CNTNAP2: variants seen among roughly 807,000 people sequenced by gnomAD.
CNTNAP2 encodes the protein contactin associated protein 2.
Under a neutral mutation model 155.2 loss-of-function variants are expected in CNTNAP2, and 98 were observed. The observed-to-expected ratio is 0.63, with a 90% CI of 0.54 to 0.75. The LOEUF (loss-of-function observed/expected upper bound fraction) is 0.75. Ranked by LOEUF, CNTNAP2 falls within the 30% of genes least tolerant of loss-of-function variation. The probability of loss-of-function intolerance (pLI) is 0.00; values close to 1 mark genes in which losing one functional copy is unlikely to be tolerated. For missense variants in CNTNAP2, 1,727 were observed against 1,688.1 expected (o/e 1.02, Z -0.40); for synonymous variants, 651 against 631.2 (o/e 1.03, Z -0.47).
At chr7:148,075,940 G>T (rs1585112705) in intron 15 of CNTNAP2, among the ~76,000 whole-genome samples, 1 of 152,172 alleles carries the variant, frequency 6.6e-6, no homozygotes, top group South Asian at 2.1e-4. Flanking sequence ...AAAGTAGCCT[G>T]TATGTCTCTG....
intron 3 of CNTNAP2, among the ~76,000 whole-genome samples, chr7:146,951,476 G>T (rs539746252): frequency 6.6e-6 from 1 of 152,098 alleles, no homozygotes; most frequent in East Asian, 1.9e-4. Context: ...TTTGTATAAG[G>T]TGTGAGGAAG....
intron 3 of CNTNAP2, among the ~76,000 whole-genome samples, chr7:146,885,058 C>T (rs948045953): frequency 4.6e-5 from 7 of 151,988 alleles, no homozygotes; most frequent in African/African-American, 1.7e-4. Flanking sequence ...CTAAAAATTT[C>T]ATGGAAAAAT....
chr7:148,157,571 C>CAAA (rs60716582), intron 17 of CNTNAP2, among the ~76,000 whole-genome samples: 7 of 111,202 alleles, frequency 6.3e-5, no homozygotes, highest in East Asian at 5.7e-4. Context: ...GCAGAAGCAG[C>CAAA]AAAAAAAAAA....
intron 1 of CNTNAP2, among the ~76,000 whole-genome samples, chr7:146,164,016 T>C (rs1459888044): frequency 6.6e-6 from 1 of 152,168 alleles, no homozygotes; most frequent in Non-Finnish European, 1.5e-5. Context: ...ACAGTTCTGT[T>C]GATATTATAT....
At chr7:148,375,247 T>G (rs1486506451) in intron 21 of CNTNAP2, among the ~76,000 whole-genome samples, 1 of 80,882 alleles carries the variant, frequency 1.2e-5, no homozygotes, top group East Asian at 3.5e-4. Flanking sequence ...TATGTTATAC[T>G]ATATATAAAA....
intron 1 of CNTNAP2, among the ~76,000 whole-genome samples, chr7:146,227,789 T>C (rs1799320909): frequency 6.6e-6 from 1 of 152,122 alleles, no homozygotes; most frequent in South Asian, 2.1e-4. Flanking sequence ...CAGCTGCATG[T>C]TATGCATGGC....
chr7:147,099,037 G>A (rs1024810918), intron 4 of CNTNAP2, among the ~76,000 whole-genome samples: 3 of 152,142 alleles, frequency 2.0e-5, no homozygotes, highest in Non-Finnish European at 2.9e-5. Context: ...AGGAGGTAGA[G>A]GGGATGAGGG....
At chr7:146,335,542 TTCTG>T (rs1420754900) in intron 1 of CNTNAP2, among the ~76,000 whole-genome samples, 1 of 152,190 alleles carries the variant, frequency 6.6e-6, no homozygotes, top group Non-Finnish European at 1.5e-5. Flanking sequence ...TGGACTGTTG[TTCTG>T]TCTGAGAGCT....
At chr7:148,107,581 C>T (rs970154850) in intron 15 of CNTNAP2, among the ~76,000 whole-genome samples, 3 of 152,150 alleles carry the variant, frequency 2.0e-5, no homozygotes, top group African/African-American at 7.2e-5. Flanking sequence ...CAAAGCTCCT[C>T]TTACCTAACC....
At chr7:146,529,695 G>T (rs913576869) in intron 1 of CNTNAP2, among the ~76,000 whole-genome samples, 1 of 151,976 alleles carries the variant, frequency 6.6e-6, no homozygotes, top group Non-Finnish European at 1.5e-5. Flanking sequence ...GGCCGGGTGC[G>T]GTGGCTCATG....
At chr7:147,271,489 C>T (rs993879437) in intron 8 of CNTNAP2, among the ~76,000 whole-genome samples, 30 of 152,152 alleles carry the variant, frequency 2.0e-4, no homozygotes, top group Non-Finnish European at 4.3e-4. Flanking sequence ...CTAATGCATG[C>T]TCTGTGTATT....
At chr7:147,704,733 T>C (rs1796285170) in intron 13 of CNTNAP2, among the ~76,000 whole-genome samples, 1 of 151,624 alleles carries the variant, frequency 6.6e-6, no homozygotes, top group South Asian at 2.1e-4. Context: ...TTGGGAGACT[T>C]TTTTTACTGA....
At chr7:146,401,218 C>A (rs1020527827) in intron 1 of CNTNAP2, among the ~76,000 whole-genome samples, 1 of 152,144 alleles carries the variant, frequency 6.6e-6, no homozygotes, top group Non-Finnish European at 1.5e-5. Flanking sequence ...AGCTAGAAAT[C>A]ACTTTGTAGA....
intron 3 of CNTNAP2, among the ~76,000 whole-genome samples, chr7:146,845,493 T>A (rs2727624): frequency 0.96 from 146,405 of 152,324 alleles, 70,378 homozygotes; most frequent in East Asian, 1. Flanking sequence ...TTCAAGCTAT[T>A]AAGATTAGAA....
chr7:146,740,933 G>A (rs1801705071), intron 1 of CNTNAP2, among the ~76,000 whole-genome samples: 1 of 152,156 alleles, frequency 6.6e-6, no homozygotes, highest in Admixed American at 6.5e-5. Flanking sequence ...GGTCTCACCT[G>A]GTGAGACCTG....
In CNTNAP2 at chr7:146,469,498, A is replaced by G. The variant is rs28600730; in HGVS notation, c.98-304773A>G. On this transcript the variant is annotated intron_variant, in intron 1 of 23. Coordinates refer to ENST00000361727, the MANE Select transcript of CNTNAP2 (RefSeq NM_014141.6). Reference sequence around the variant, plus strand: ...ATTGTTTCCACAAACTTCAGAGGTAACCACTGTCTTAATAATTGACTTTTT... The same window carrying G: ...ATTGTTTCCACAAACTTCAGAGGTAGCCACTGTCTTAATAATTGACTTTTT... Among the ~76,000 whole-genome samples, 701 of 150,130 alleles carry G rather than the reference A, an allele frequency of 4.7e-3. 7 individuals carry two copies. Among genetic ancestry groups the G allele is most frequent in the African/African-American group, 0.016 (652 of 40,834 alleles).
intron 8 of CNTNAP2, among the ~76,000 whole-genome samples, chr7:147,152,320 T>G (rs1029025136): frequency 5.3e-5 from 8 of 152,104 alleles, no homozygotes; most frequent in South Asian, 2.1e-4. Context: ...TTGTGGTGGT[T>G]AATTACATAG....
chr7:148,137,866 T>C (rs1804991506), intron 16 of CNTNAP2, among the ~76,000 whole-genome samples: 1 of 152,258 alleles, frequency 6.6e-6, no homozygotes, highest in South Asian at 2.1e-4. Context: ...GAATCTGTTG[T>C]TGTAATGGAA....
intron 3 of CNTNAP2, among the ~76,000 whole-genome samples, chr7:147,021,590 A>T (rs1358937461): frequency 6.6e-6 from 1 of 152,182 alleles, no homozygotes; most frequent in Non-Finnish European, 1.5e-5. Context: ...CTTTTCTCAC[A>T]GTTATAAAAC....
Sources: gnomAD v4.1 joint callset for allele counts (sites outside exome capture counted in the v4.1 genomes callset) on GRCh38, gnomAD v4.1.1 for gene constraint, MANE v1.5 for transcripts, NCBI Gene and HGNC (gene_info 2026-07-23, HGNC 2026-07-21) for gene names.